The following KCNK2 variants were observed in gnomAD, a reference collection of about 807,000 sequenced individuals.
KCNK2 encodes potassium channel subfamily K member 2.
KCNK2 carries 21 observed loss-of-function variants against 40.5 expected under a neutral mutation model. The ratio of observed to expected loss-of-function variants is 0.52; its 90% CI spans 0.37 to 0.75. The LOEUF (loss-of-function observed/expected upper bound fraction) is 0.75. Ranked by LOEUF, KCNK2 falls within the 30% of genes least tolerant of loss-of-function variation. The pLI is 0.00. For missense variants in KCNK2, 399 were observed against 531.6 expected (o/e 0.75, Z 2.45); for synonymous variants, 191 against 202.2 (o/e 0.94, Z 0.47).
chr1:215,099,317 A>C (rs796116176), intron 2 of KCNK2, among the ~76,000 whole-genome samples: 1 of 151,892 alleles, frequency 6.6e-6, no homozygotes, highest in South Asian at 2.1e-4. Flanking sequence ...CTCTAACTTC[A>C]TCCATGTCCC....
intron 6 of KCNK2, among the ~76,000 whole-genome samples, chr1:215,209,338 ATAAT>A: frequency 2.0e-5 from 2 of 97,652 alleles, no homozygotes; most frequent in African/African-American, 8.1e-5. Flanking sequence ...TTTTATATAT[ATAAT>A]ATATATATTA....
intron 6 of KCNK2, among the ~76,000 whole-genome samples, chr1:215,216,218 T>C (rs534596096): frequency 6.6e-6 from 1 of 152,164 alleles, no homozygotes; most frequent in East Asian, 1.9e-4. Context: ...ATTTTCTTGA[T>C]TTCTGAACTT....
At chr1:215,185,183 T>C (rs909441155) in intron 5 of KCNK2, among the ~76,000 whole-genome samples, 4 of 152,222 alleles carry the variant, frequency 2.6e-5, no homozygotes, top group African/African-American at 9.6e-5. Flanking sequence ...GAAATATACG[T>C]TAATTATAAT....
chr1:215,152,602 T>G (rs1571670830), intron 3 of KCNK2, among the ~76,000 whole-genome samples: 2 of 152,188 alleles, frequency 1.3e-5, no homozygotes, highest in South Asian at 4.1e-4. Context: ...ATCAGCAGTT[T>G]CTTCATCTGA....
chr1:215,153,698 AT>A (rs957633900), intron 3 of KCNK2, among the ~76,000 whole-genome samples: 29 of 151,826 alleles, frequency 1.9e-4, no homozygotes, highest in African/African-American at 7.0e-4. Context: ...TACGTGTGCC[AT>A]GGTGGTTTGC....
At chr1:215,046,944 C>G (rs114505870) in intron 1 of KCNK2, among the ~76,000 whole-genome samples, 2,701 of 152,042 alleles carry the variant, frequency 0.018, 77 homozygotes, top group African/African-American at 0.062. Context: ...TCTCTTGTTT[C>G]CGGGGTTAAA....
intron 2 of KCNK2, among the ~76,000 whole-genome samples, chr1:215,097,128 A>C (rs947768640): frequency 6.6e-6 from 1 of 151,974 alleles, no homozygotes; most frequent in Admixed American, 6.6e-5. Context: ...TGCAGGTACT[A>C]AGAATAGTTC....
rs753647408 is a variant in KCNK2, at chr1:215,112,359, G to GT, written c.358-12272dup. Among the ~76,000 whole-genome samples the GT allele has an allele frequency of 4.7e-5, 7 of 150,032 alleles. No individual in the cohort carries two copies. In the South Asian group the frequency reaches 1.3e-3, roughly 27 times the overall value. On this transcript the variant is annotated intron_variant, in intron 2 of 6. Transcript: ENST00000444842. ...CTTAAAAAGTTAAAAAAATTAAATA[G>GT]TTAAAAAAAAGATTATGGAATAAAG...
intron 3 of KCNK2, among the ~76,000 whole-genome samples, chr1:215,137,214 C>A (rs1038554870): frequency 6.6e-6 from 1 of 152,082 alleles, no homozygotes; most frequent in African/African-American, 2.4e-5. Flanking sequence ...TACCAATGAT[C>A]ACTTAACAAG....
intron 1 of KCNK2, among the ~76,000 whole-genome samples, chr1:215,061,565 G>A (rs974455509): frequency 4.6e-5 from 7 of 152,024 alleles, no homozygotes; most frequent in African/African-American, 1.4e-4. Flanking sequence ...TGGGATTTTT[G>A]TGATTCAAAA....
chr1:215,081,761 T>C (rs1189553761), upstream of KCNK2: 2 of 152,094 alleles, frequency 1.3e-5, no homozygotes, highest in African/African-American at 4.8e-5. Context: ...GAAGAGAGTT[T>C]AGAAACGGAT....
intron 1 of KCNK2, among the ~76,000 whole-genome samples, chr1:215,034,291 T>C (rs953441295): frequency 3.9e-5 from 6 of 152,148 alleles, no homozygotes; most frequent in African/African-American, 1.4e-4. Context: ...TATTCTATTG[T>C]ATCTATATAC....
chr1:215,141,845 T>C (rs1281269985), intron 3 of KCNK2, among the ~76,000 whole-genome samples: 1 of 152,122 alleles, frequency 6.6e-6, no homozygotes, highest in Non-Finnish European at 1.5e-5. Flanking sequence ...TTATTCCAGT[T>C]AATTCGTTGT....
intron 1 of KCNK2, among the ~76,000 whole-genome samples, chr1:215,058,085 G>A (rs970050338): frequency 6.6e-6 from 1 of 152,094 alleles, no homozygotes; most frequent in Non-Finnish European, 1.5e-5. Context: ...AAAGGGAAAA[G>A]GAGAACATGA....
chr1:215,099,911 C>T (rs1366288378), intron 2 of KCNK2, among the ~76,000 whole-genome samples: 2 of 151,918 alleles, frequency 1.3e-5, no homozygotes, highest in African/African-American at 2.4e-5. Context: ...AAAAAATTCT[C>T]CTTTCCTGTC....
intron 3 of KCNK2, among the ~76,000 whole-genome samples, chr1:215,128,927 G>C (rs1037966905): frequency 6.6e-6 from 1 of 152,186 alleles, no homozygotes; most frequent in Non-Finnish European, 1.5e-5. Flanking sequence ...TTTAATAAAA[G>C]TGAAGTAAAA....
At chr1:215,097,634 T>G (rs1460435913) in intron 2 of KCNK2, among the ~76,000 whole-genome samples, 1 of 152,024 alleles carries the variant, frequency 6.6e-6, no homozygotes, top group Admixed American at 6.6e-5. Flanking sequence ...GCAGATAAAG[T>G]GTAATGGTTA....
chr1:215,203,612 T>G (rs1665173288), intron 6 of KCNK2, among the ~76,000 whole-genome samples: 1 of 152,052 alleles, frequency 6.6e-6, no homozygotes, highest in Admixed American at 6.6e-5. Context: ...ACATTTTACC[T>G]GGTTGAAATA....
intron 3 of KCNK2, among the ~76,000 whole-genome samples, chr1:215,149,474 A>C (rs1224686133): frequency 1.6e-4 from 24 of 152,180 alleles, no homozygotes; most frequent in Non-Finnish European, 2.9e-5. Context: ...CTATGAAAAG[A>C]TACTTTATGA....
Sources: gnomAD v4.1 joint callset for allele counts (sites outside exome capture counted in the v4.1 genomes callset) on GRCh38, gnomAD v4.1.1 for gene constraint, MANE v1.5 for transcripts, NCBI Gene and HGNC (gene_info 2026-07-23, HGNC 2026-07-21) for gene names.